FCHSD2: variants seen among roughly 807,000 people sequenced by gnomAD.
FCHSD2 encodes F-BAR and double SH3 domains protein 2.
In FCHSD2, 38 loss-of-function variants were observed where a neutral mutation model predicts 108.1. That is an observed-to-expected ratio of 0.35 (90% confidence interval 0.27 to 0.46). FCHSD2 has a LOEUF of 0.46. Among genes scored for constraint, FCHSD2 ranks in the 20% least tolerant of loss-of-function variants. The pLI is 1.00. For missense variants in FCHSD2, 751 were observed against 897.8 expected, an observed-to-expected ratio of 0.84 and a Z score of 2.09; for synonymous variants, 279 against 314.7, an observed-to-expected ratio of 0.89 and a Z score of 1.20.
chr11:73,015,576 A>G (rs1301559806), intron 4 of FCHSD2, among the ~76,000 whole-genome samples: 7 of 152,152 alleles, frequency 4.6e-5, no homozygotes, highest in Admixed American at 2.0e-4. Context: ...TATAAAATAT[A>G]ATCTTGGCTT....
intron 3 of FCHSD2, among the ~76,000 whole-genome samples, chr11:73,021,037 C>T (rs2135439157): frequency 6.6e-6 from 1 of 151,998 alleles, no homozygotes; most frequent in African/African-American, 2.4e-5. Context: ...CCACTGCGAC[C>T]AGCTAAGTTT....
At chr11:73,138,330 C>T (rs892358080) in intron 2 of FCHSD2, among the ~76,000 whole-genome samples, 2 of 152,136 alleles carry the variant, frequency 1.3e-5, no homozygotes, top group African/African-American at 4.8e-5. Flanking sequence ...TATTCTTGAC[C>T]ATAAGCTCCT....
chr11:73,051,905 A>ACCC (rs1399561068), intron 3 of FCHSD2, among the ~76,000 whole-genome samples: 6 of 141,662 alleles, frequency 4.2e-5, no homozygotes, highest in African/African-American at 1.3e-4. Flanking sequence ...ACACACACAC[A>ACCC]CACACACACA....
chr11:72,873,104 C>T (rs1854896907), intron 12 of FCHSD2, among the ~76,000 whole-genome samples: 1 of 151,824 alleles, frequency 6.6e-6, no homozygotes, highest in Non-Finnish European at 1.5e-5. Context: ...CTGAGGCGGG[C>T]AGATCACCAG....
chr11:73,038,970 A>C (rs946104012), intron 3 of FCHSD2, among the ~76,000 whole-genome samples: 6 of 152,112 alleles, frequency 3.9e-5, no homozygotes, highest in South Asian at 2.1e-4. Context: ...AATGACCCCC[A>C]GCCTAGTATT....
At chr11:73,017,640 A>G (rs1267457792) in intron 3 of FCHSD2, among the ~76,000 whole-genome samples, 2 of 152,286 alleles carry the variant, frequency 1.3e-5, no homozygotes, top group East Asian at 3.9e-4. Context: ...TCCACTTAAC[A>G]TATCTTGTAC....
chr11:73,115,275 A>T (rs1157033265), intron 2 of FCHSD2, among the ~76,000 whole-genome samples: 3 of 152,158 alleles, frequency 2.0e-5, no homozygotes, highest in Non-Finnish European at 4.4e-5. Context: ...TCTCCACACC[A>T]TGCAGCCAGT....
At chr11:72,998,327 G>T (rs186553136) in intron 5 of FCHSD2, among the ~76,000 whole-genome samples, 2 of 152,244 alleles carry the variant, frequency 1.3e-5, no homozygotes, top group Admixed American at 1.3e-4. Flanking sequence ...ATCACTTGAG[G>T]TCAGGAGTTC....
Position 72,984,105 on chromosome 11 carries a change from A to G in FCHSD2, c.688T>C (p.Leu230=), listed in dbSNP as rs1269196964. ...AHQDRYYQTD[L]VNIMKALDGN... ...TGTATTACCTTCATAATGTTAACTA[A>G]ATCTGTTTGATAGTAGCGATCCTGA... The change falls in exon 8 of 20, where the codon TTA becomes CTA. Residue 230 remains leucine, a synonymous_variant. Coordinates refer to ENST00000409418, the MANE Select transcript of FCHSD2 (RefSeq NM_014824.3). 6.2e-7 allele frequency: 1 copy of G among 1,613,026 alleles called. No homozygotes were observed. Among genetic ancestry groups the G allele is most frequent in the Non-Finnish European group, 8.5e-7 (1 of 1,179,206 alleles).
chr11:72,990,310 C>G (rs1857386976), intron 5 of FCHSD2, among the ~76,000 whole-genome samples: 1 of 152,146 alleles, frequency 6.6e-6, no homozygotes, highest in East Asian at 1.9e-4. Flanking sequence ...GCTTACAAAC[C>G]CTGGTAGGCA....
intron 5 of FCHSD2, among the ~76,000 whole-genome samples, chr11:72,999,315 CTTTTTTTTTTTT>C (rs777275615): frequency 1.9e-5 from 2 of 103,768 alleles, no homozygotes; most frequent in South Asian, 3.3e-4. Context: ...ACCAAAGATT[CTTTTTTTTTTTT>C]TTTTTTTTTT....
intron 8 of FCHSD2, among the ~76,000 whole-genome samples, chr11:72,931,271 G>T (rs1400530272): frequency 3.2e-4 from 41 of 126,542 alleles, no homozygotes; most frequent in East Asian, 4.7e-4. Flanking sequence ...ATTTTTGTGG[G>T]TTTTTTTTTT....
chr11:72,841,019 C>T, intron 18 of FCHSD2, 60 bp from the exon 19 acceptor site: 1 of 1,274,258 alleles, frequency 7.8e-7, no homozygotes, highest in South Asian at 1.2e-5. Flanking sequence ...AATGCTGATG[C>T]AAGGCTGGCA....
At chr11:73,050,413 A>C (rs747578526) in intron 3 of FCHSD2, among the ~76,000 whole-genome samples, 5 of 152,248 alleles carry the variant, frequency 3.3e-5, no homozygotes, top group Non-Finnish European at 7.3e-5. Flanking sequence ...ATATATGTAC[A>C]TTTATAAACC....
At chr11:73,016,165 T>G (rs1460211523) in intron 3 of FCHSD2, among the ~76,000 whole-genome samples, 1 of 151,982 alleles carries the variant, frequency 6.6e-6, no homozygotes, top group Non-Finnish European at 1.5e-5. Flanking sequence ...TAGCCGGGTG[T>G]GGTAGCATGC....
At chr11:73,083,554 A>G in intron 3 of FCHSD2, 141 bp downstream of exon 3, 1 of 621,342 alleles carries the variant, frequency 1.6e-6, no homozygotes, top group East Asian at 2.8e-5. Flanking sequence ...TCTCAGAAAA[A>G]AAGAAAAAAA....
chr11:73,129,245 G>C (rs1382409791), intron 2 of FCHSD2, among the ~76,000 whole-genome samples: 1 of 152,154 alleles, frequency 6.6e-6, no homozygotes, highest in Admixed American at 6.5e-5. Flanking sequence ...TTGTGAACTA[G>C]AATTGATACC....
At chr11:73,086,175 G>A (rs548275819) in intron 2 of FCHSD2, among the ~76,000 whole-genome samples, 1 of 152,176 alleles carries the variant, frequency 6.6e-6, no homozygotes, top group Non-Finnish European at 1.5e-5. Context: ...TTGAGAGATA[G>A]AGGTGGGTGG....
intron 2 of FCHSD2, among the ~76,000 whole-genome samples, chr11:73,133,971 C>T (rs530313484): frequency 2.6e-5 from 4 of 151,388 alleles, no homozygotes; most frequent in East Asian, 1.9e-4. Flanking sequence ...TTTAAATTGG[C>T]GTGACGATTG....
Sources: allele counts gnomAD v4.1 joint callset (sites outside exome capture counted in the v4.1 genomes callset), GRCh38; gene constraint gnomAD v4.1.1; transcripts MANE v1.5; gene names NCBI Gene and HGNC (gene_info 2026-07-23, HGNC 2026-07-21).